Variants in COL15A1 observed in about 807,000 individuals in gnomAD.
The protein encoded by COL15A1 is collagen type XV alpha 1 chain, also known as collagen alpha-1(XV) chain.
A neutral mutation model predicts 165.9 loss-of-function variants in COL15A1; 111 were observed. That is an observed-to-expected ratio of 0.67 (90% confidence interval 0.57 to 0.78). COL15A1 has a LOEUF of 0.78. COL15A1 is among the 30% of genes least tolerant of loss of function. The probability of loss-of-function intolerance (pLI) is 0.00; values close to 1 mark genes in which losing one functional copy is unlikely to be tolerated. For missense variants in COL15A1, 1,745 were observed against 1,789.7 expected, an observed-to-expected ratio of 0.98 and a Z score of 0.45; for synonymous variants, 659 against 674.8, an observed-to-expected ratio of 0.98 and a Z score of 0.36.
chr9:99,030,933 A>G (rs1180158439), intron 16 of COL15A1, among the ~76,000 whole-genome samples: 3 of 152,234 alleles, frequency 2.0e-5, no homozygotes, highest in Admixed American at 6.5e-5. Flanking sequence ...GTTAGGCTAT[A>G]AAATTGGCAT....
In COL15A1 at chr9:99,047,684, G is replaced by A. The variant is rs1026158519; in HGVS notation, c.2680-102G>A. 3.7e-5 allele frequency: 45 copies of A among 1,219,432 alleles called. No homozygotes were observed. The African/African-American group carries it at 5.8e-4, about 16-fold the overall frequency. 75.5% of individuals were successfully genotyped at this position (1,219,432 alleles called of 1,614,324 possible). On this transcript the variant is annotated intron_variant, in intron 26 of 41. Coordinates refer to ENST00000375001, the MANE Select transcript of COL15A1 (RefSeq NM_001855.5). ...CCCTGCCCTCCTTCCTCCTGTCAGTGGATCATCGTCACCACTGCCTGCAAA... is the reference window on the plus strand; with the variant it reads ...CCCTGCCCTCCTTCCTCCTGTCAGTAGATCATCGTCACCACTGCCTGCAAA...
intron 2 of COL15A1, 77 bp from the exon 3 acceptor site, chr9:98,985,488 G>T (rs749155503): frequency 2.9e-6 from 4 of 1,378,920 alleles, no homozygotes; most frequent in Non-Finnish European, 2.9e-6. Flanking sequence ...CGTTTCATTT[G>T]TGACTGCGTT....
chr9:99,012,161 A>G, intron 9 of COL15A1, among the ~76,000 whole-genome samples: 1 of 152,250 alleles, frequency 6.6e-6, no homozygotes, highest in East Asian at 1.9e-4. Context: ...TTGCTTTACC[A>G]GTAATTTTAA....
At position 99,003,553 on chromosome 9, in the gene COL15A1, T is replaced by A. The variant is rs903606036; in HGVS notation, c.1166T>A (p.Met389Lys). 9.6e-6 allele frequency: 15 copies of A among 1,559,252 alleles called. No homozygotes were observed. Among genetic ancestry groups the A allele is most frequent in the Non-Finnish European group, 1.3e-5 (15 of 1,151,876 alleles). Residue 389 changes from methionine to lysine, a missense_variant, in exon 8 of 42, where the codon ATG becomes AAG. Coordinates refer to ENST00000375001, the MANE Select transcript of COL15A1 (RefSeq NM_001855.5). Reference sequence around the variant, plus strand: ...CCCACCGGGGGACCAACCCTCTCTATGTCCACGGAGAACCCAGAGGAAGGG... The same window carrying A: ...CCCACCGGGGGACCAACCCTCTCTAAGTCCACGGAGAACCCAGAGGAAGGG... ...SVPTGGPTLSMSTENPEEGVT... is the reference protein window; with the variant it reads ...SVPTGGPTLSKSTENPEEGVT...
chr9:99,013,972 GTGTTT>G (rs1424719268), intron 9 of COL15A1, among the ~76,000 whole-genome samples: 1 of 147,192 alleles, frequency 6.8e-6, no homozygotes, highest in Non-Finnish European at 1.5e-5. Flanking sequence ...CGTGCATGTT[GTGTTT>G]TTTTTTCCCC....
chr9:98,943,988 C>A lies in COL15A1; in HGVS notation c.-74C>A. On this transcript the variant is annotated 5_prime_UTR_variant, in exon 1 of 42. Transcript: ENST00000375001. Reference sequence around the variant, plus strand: ...AGCGCGGCGGCCAGCGCTCAGCGACCCTTCGTCCTCCGCTAAGCTCCAACG... The same window carrying A: ...AGCGCGGCGGCCAGCGCTCAGCGACACTTCGTCCTCCGCTAAGCTCCAACG... 6.3e-7 allele frequency: 1 copy of A among 1,594,972 alleles called. No individual in the cohort carries two copies. Among genetic ancestry groups the A allele is most frequent in the Non-Finnish European group, 8.6e-7 (1 of 1,166,714 alleles).
At chr9:99,017,367 C>A (rs908579919) in intron 11 of COL15A1, among the ~76,000 whole-genome samples, 20 of 152,208 alleles carry the variant, frequency 1.3e-4, no homozygotes, top group Admixed American at 1.2e-3. Context: ...CTTCACCCAG[C>A]TGAAGTCCTC....
intron 2 of COL15A1, among the ~76,000 whole-genome samples, chr9:98,976,075 GA>G (rs1205036312): frequency 6.6e-6 from 1 of 152,218 alleles, no homozygotes; most frequent in Non-Finnish European, 1.5e-5. Context: ...AGGAGCAGAT[GA>G]CTACTAATGG....
chr9:99,007,777 T>C (rs1453904002), intron 9 of COL15A1, among the ~76,000 whole-genome samples: 3 of 152,176 alleles, frequency 2.0e-5, no homozygotes, highest in Non-Finnish European at 2.9e-5. Context: ...TAAGAAAGCA[T>C]GGCTTAATTT....
At chr9:98,978,823 A>G (rs867739856) in intron 2 of COL15A1, among the ~76,000 whole-genome samples, 5 of 152,268 alleles carry the variant, frequency 3.3e-5, no homozygotes, top group Middle Eastern at 3.4e-3. Flanking sequence ...TCCAGTGAAA[A>G]GCAAGTCTCC....
Position 99,044,677 on chromosome 9 carries a change from A to C in COL15A1, c.2643+41A>C, listed in dbSNP as rs760536247. On this transcript the variant is annotated intron_variant, in intron 25 of 41. Coordinates refer to ENST00000375001, the MANE Select transcript of COL15A1 (RefSeq NM_001855.5). ...GACCCTGCAGGCACATATCTGCCCC[A>C]GCTTTGCATCTTTGTTTCTGTCCCA... The C allele has an allele frequency of 6.8e-6, 11 of 1,612,494 alleles. No homozygotes were observed. In the South Asian group the frequency reaches 9.9e-5, roughly 14 times the overall value.
chr9:99,010,905 C>G (rs2118975879), intron 9 of COL15A1, among the ~76,000 whole-genome samples: 1 of 152,230 alleles, frequency 6.6e-6, no homozygotes, highest in South Asian at 2.1e-4. Context: ...AAGAAAAGAC[C>G]TTCTGCAGTG....
intron 26 of COL15A1, among the ~76,000 whole-genome samples, chr9:99,046,842 C>A (rs1839498709): frequency 6.6e-6 from 1 of 152,244 alleles, no homozygotes; most frequent in Non-Finnish European, 1.5e-5. Context: ...AACCAAGTGG[C>A]CTGTGCCCTG....
intron 2 of COL15A1, among the ~76,000 whole-genome samples, chr9:98,945,648 A>G (rs1264965722): frequency 6.6e-6 from 1 of 152,244 alleles, no homozygotes; most frequent in Non-Finnish European, 1.5e-5. Context: ...TTTTCCTGCC[A>G]GAGTGTCCAG....
At chr9:98,997,122 G>T (rs779833576) in intron 6 of COL15A1, 41 bp downstream of exon 6, 1 of 1,611,166 alleles carries the variant, frequency 6.2e-7, no homozygotes, top group South Asian at 1.1e-5. Flanking sequence ...GCCTTTTATT[G>T]GGTGATTACT....
At chr9:99,012,293 A>G (rs1048779799) in intron 9 of COL15A1, among the ~76,000 whole-genome samples, 11 of 152,236 alleles carry the variant, frequency 7.2e-5, no homozygotes, top group African/African-American at 2.7e-4. Context: ...CAAAATGTGT[A>G]TGTACACATA....
intron 22 of COL15A1, among the ~76,000 whole-genome samples, chr9:99,039,769 C>A (rs1050947408): frequency 6.6e-6 from 1 of 152,184 alleles, no homozygotes. Context: ...ACCTCACCAG[C>A]CTTTGAGGCA....
intron 28 of COL15A1, 62 bp from the exon 29 acceptor site, chr9:99,049,628 G>A: frequency 6.2e-7 from 1 of 1,601,706 alleles, no homozygotes; most frequent in African/African-American, 1.3e-5. Context: ...GAAGTGTCCT[G>A]TGGCTGCCCC....
chr9:99,047,923 G>A lies in COL15A1; in HGVS notation c.2734-18G>A, dbSNP rs1839520463. ...CTGTGGGCGGAGGGTTTACTGAGGTGTCTGCTGTGGGTTCCAGGGTCGCCC... is the reference window on the plus strand; with the variant it reads ...CTGTGGGCGGAGGGTTTACTGAGGTATCTGCTGTGGGTTCCAGGGTCGCCC... On this transcript the variant is annotated intron_variant, in intron 27 of 41. Coordinates refer to ENST00000375001, the MANE Select transcript of COL15A1 (RefSeq NM_001855.5). The A allele has an allele frequency of 2.5e-6, 4 of 1,609,842 alleles. No individual in the cohort carries two copies. Among genetic ancestry groups the A allele is most frequent in the Non-Finnish European group, 3.4e-6 (4 of 1,176,158 alleles).
Sources: gnomAD v4.1 joint callset for allele counts (sites outside exome capture counted in the v4.1 genomes callset) on GRCh38, gnomAD v4.1.1 for gene constraint, MANE v1.5 for transcripts, NCBI Gene and HGNC (gene_info 2026-07-23, HGNC 2026-07-21) for gene names.